SLCO2A1: variants seen among roughly 807,000 people sequenced by gnomAD.
SLCO2A1 encodes the protein solute carrier organic anion transporter family member 2A1, also known as matrin F/G 1.
In SLCO2A1, 60 loss-of-function variants were observed where a neutral mutation model predicts 71.7. The ratio of observed to expected loss-of-function variants is 0.84; its 90% confidence interval spans 0.68 to 1.04. The LOEUF is 1.04. Among genes scored for constraint, SLCO2A1 ranks in the 50% least tolerant of loss-of-function variants. The pLI, the probability that SLCO2A1 is intolerant of heterozygous loss-of-function variation, is 0.00. For missense variants in SLCO2A1, 745 were observed against 813.4 expected, an observed-to-expected ratio of 0.92 and a Z score of 1.02; for synonymous variants, 308 against 326.7, an observed-to-expected ratio of 0.94 and a Z score of 0.62.
chr3:133,937,994 C>A (rs1194087297), intron 12 of SLCO2A1, among the ~76,000 whole-genome samples: 1 of 152,188 alleles, frequency 6.6e-6, no homozygotes, highest in East Asian at 1.9e-4. Context: ...CAGCAGAGGA[C>A]CCCACAGGGA....
intron 1 of SLCO2A1, among the ~76,000 whole-genome samples, chr3:134,007,797 T>C (rs140036111): frequency 0.014 from 2,118 of 152,346 alleles, 30 homozygotes; most frequent in Middle Eastern, 0.024. Context: ...ACTGGTCTAA[T>C]CACACCACAC....
intron 1 of SLCO2A1, among the ~76,000 whole-genome samples, chr3:134,008,241 C>T (rs1228031042): frequency 6.6e-6 from 1 of 152,208 alleles, no homozygotes; most frequent in Non-Finnish European, 1.5e-5. Context: ...TTTTTGCTAT[C>T]ATATGATATG....
intron 1 of SLCO2A1, among the ~76,000 whole-genome samples, chr3:133,989,809 C>G (rs1051297121): frequency 6.6e-6 from 1 of 152,200 alleles, no homozygotes; most frequent in African/African-American, 2.4e-5. Context: ...TTTTATGGTG[C>G]CTGTTACTAC....
chr3:134,012,761 C>T (rs1318428522), intron 1 of SLCO2A1, among the ~76,000 whole-genome samples: 1 of 152,194 alleles, frequency 6.6e-6, no homozygotes, highest in Non-Finnish European at 1.5e-5. Context: ...CACTTGCCTG[C>T]TCTCTGGGAG....
intron 3 of SLCO2A1, among the ~76,000 whole-genome samples, chr3:133,955,930 C>T (rs1389351392): frequency 6.6e-6 from 1 of 152,184 alleles, no homozygotes; most frequent in African/African-American, 2.4e-5. Context: ...TGTGAGGGTC[C>T]CAGACACCCT....
intron 1 of SLCO2A1, among the ~76,000 whole-genome samples, chr3:134,003,124 A>G (rs1184820199): frequency 6.6e-6 from 1 of 152,194 alleles, no homozygotes; most frequent in African/African-American, 2.4e-5. Context: ...TGGTTTCATC[A>G]TCTACACCTG....
At chr3:133,970,507 G>A (rs962162849) in intron 3 of SLCO2A1, among the ~76,000 whole-genome samples, 1 of 152,240 alleles carries the variant, frequency 6.6e-6, no homozygotes, top group Non-Finnish European at 1.5e-5. Flanking sequence ...CACATTTTAA[G>A]CTATTCCCAT....
intron 9 of SLCO2A1, among the ~76,000 whole-genome samples, chr3:133,946,184 C>T (rs938719997): frequency 2.6e-5 from 4 of 151,888 alleles, no homozygotes; most frequent in African/African-American, 9.7e-5. Context: ...CCTCCCTTCC[C>T]CCAAACCCCT....
At chr3:133,942,017 G>A (rs929886564) in intron 11 of SLCO2A1, among the ~76,000 whole-genome samples, 7 of 151,938 alleles carry the variant, frequency 4.6e-5, no homozygotes, top group Non-Finnish European at 8.8e-5. Flanking sequence ...TTTTTGAGAC[G>A]GAGTCTCACT....
chr3:133,970,236 C>A (rs1934292415), intron 3 of SLCO2A1, among the ~76,000 whole-genome samples: 1 of 152,214 alleles, frequency 6.6e-6, no homozygotes, highest in African/African-American at 2.4e-5. Context: ...TGAACAGGCA[C>A]CTTCTCAGCC....
At chr3:133,965,661 T>C (rs1934147692) in intron 3 of SLCO2A1, among the ~76,000 whole-genome samples, 1 of 130,590 alleles carries the variant, frequency 7.7e-6, no homozygotes, top group South Asian at 2.6e-4. Flanking sequence ...GTCTCTGGTG[T>C]TTTGACCGCA....
chr3:133,946,695 T>G lies in SLCO2A1; in HGVS notation c.1295+561A>C, dbSNP rs1933586296. Among the ~76,000 whole-genome samples, 6 of 152,248 alleles carry G rather than the reference T, an allele frequency of 3.9e-5. No individual in the cohort carries two copies. The South Asian group carries it at 1.2e-3, about 32-fold the overall frequency. ...TCCTGAAATCAAACAAATTAGTTTT[T>G]GGTGCTTCTTAAGAAAACAGAACTC... is the stretch of plus-strand genomic sequence containing the variant. On this transcript the variant is annotated intron_variant, in intron 9 of 13. Coordinates refer to ENST00000310926, the MANE Select transcript of SLCO2A1 (RefSeq NM_005630.3).
intron 5 of SLCO2A1, among the ~76,000 whole-genome samples, chr3:133,952,614 G>A (rs1443756005): frequency 6.6e-6 from 1 of 152,192 alleles, no homozygotes; most frequent in Non-Finnish European, 1.5e-5. Flanking sequence ...TTCATCCTGG[G>A]GCTGGCTCCC....
intron 1 of SLCO2A1, among the ~76,000 whole-genome samples, chr3:134,025,374 C>T (rs1188558564): frequency 1.3e-5 from 2 of 152,018 alleles, no homozygotes; most frequent in Non-Finnish European, 1.5e-5. Context: ...TCTGAGCCTC[C>T]CATGACCACA....
intron 1 of SLCO2A1, among the ~76,000 whole-genome samples, chr3:134,011,731 A>C (rs1360013083): frequency 6.6e-6 from 1 of 152,234 alleles, no homozygotes; most frequent in Non-Finnish European, 1.5e-5. Flanking sequence ...CAATGAAGCC[A>C]GGGAATGTTG....
At chr3:133,998,575 C>T (rs1010184632) in intron 1 of SLCO2A1, 3 of 152,306 alleles carry the variant, frequency 2.0e-5, no homozygotes, top group Non-Finnish European at 4.4e-5. Flanking sequence ...CAGACCTGTC[C>T]TCTGTGTGAG....
In SLCO2A1 at chr3:133,968,075, C is replaced by T. The variant is rs1048870446; in HGVS notation, c.397+5588G>A. On this transcript the variant is annotated intron_variant, in intron 3 of 13. Coordinates refer to ENST00000310926, the MANE Select transcript of SLCO2A1 (RefSeq NM_005630.3). ...CACACCACCTCTTCCCTCACACCTT[C>T]CCCTTCACATACACCCCAACCCTCA... 2.1e-5 allele frequency among the ~76,000 whole-genome samples: 3 copies of T among 142,728 alleles called. No homozygotes were observed. In the East Asian group the frequency reaches 6.2e-4, roughly 29 times the overall value. The allele number at this position is 142,728 out of a possible 152,430, so 93.6% of individuals were successfully genotyped here.
intron 13 of SLCO2A1, among the ~76,000 whole-genome samples, chr3:133,935,360 C>T (rs1329622818): frequency 6.6e-6 from 1 of 152,210 alleles, no homozygotes; most frequent in East Asian, 1.9e-4. Context: ...GGTTGGTCCC[C>T]CTGCCCTGGA....
At chr3:134,026,572 C>G (rs544631180) in intron 1 of SLCO2A1, among the ~76,000 whole-genome samples, 2 of 152,032 alleles carry the variant, frequency 1.3e-5, no homozygotes, top group African/African-American at 2.4e-5. Flanking sequence ...TATAGGCCTG[C>G]TAGGCACAAG....
Sources: gnomAD v4.1 joint callset for allele counts (sites outside exome capture counted in the v4.1 genomes callset) on GRCh38, gnomAD v4.1.1 for gene constraint, MANE v1.5 for transcripts, NCBI Gene and HGNC (gene_info 2026-07-23, HGNC 2026-07-21) for gene names.